Variants in KIF3A observed in about 807,000 individuals in gnomAD.
KIF3A encodes kinesin family member 3A.
In KIF3A, 27 loss-of-function variants were observed where a neutral mutation model predicts 92.6. The ratio of observed to expected loss-of-function variants is 0.29; its 90% confidence interval spans 0.21 to 0.40. KIF3A has a LOEUF of 0.40. Among genes scored for constraint, KIF3A ranks in the 10% least tolerant of loss-of-function variants. KIF3A has a pLI of 1.00. For synonymous variants in KIF3A, 250 were observed against 275.4 expected (o/e 0.91, Z 0.92); for missense variants, 581 against 872.6 (o/e 0.67, Z 4.21).
intron 2 of KIF3A, among the ~76,000 whole-genome samples, chr5:132,727,428 GA>G (rs1173391249): frequency 1.3e-5 from 2 of 152,276 alleles, no homozygotes; most frequent in African/African-American, 4.8e-5. Context: ...GGGGGTCAGG[GA>G]GGACTTTCCA....
intron 8 of KIF3A, among the ~76,000 whole-genome samples, chr5:132,711,777 C>A (rs1284739367): frequency 1.1e-4 from 16 of 152,030 alleles, no homozygotes; most frequent in Admixed American, 1.0e-3. Flanking sequence ...TTAAGAGACA[C>A]AGAACTGTCA....
At chr5:132,724,803 AAAAATATATAT>A (rs1561708629) in intron 4 of KIF3A, among the ~76,000 whole-genome samples, 11 of 26,680 alleles carry the variant, frequency 4.1e-4, no homozygotes, top group African/African-American at 1.6e-3. Flanking sequence ...AAAAAAAAAA[AAAAATATATAT>A]ATATATATAT....
At chr5:132,731,315 G>T (rs1298091319) in intron 2 of KIF3A, among the ~76,000 whole-genome samples, 1 of 151,980 alleles carries the variant, frequency 6.6e-6, no homozygotes, top group Non-Finnish European at 1.5e-5. Flanking sequence ...ACAGAATAAT[G>T]CATCATGACC....
At chr5:132,717,571 C>T (rs568114372) in intron 5 of KIF3A, among the ~76,000 whole-genome samples, 1 of 150,934 alleles carries the variant, frequency 6.6e-6, no homozygotes, top group African/African-American at 2.4e-5. Context: ...GGAAAAATGT[C>T]CATAACATAT....
At chr5:132,716,465 G>A in intron 6 of KIF3A, 23 bp from the exon 7 acceptor site, 1 of 1,575,144 alleles carries the variant, frequency 6.3e-7, no homozygotes, top group Non-Finnish European at 8.6e-7. Flanking sequence ...AGAGATGAAA[G>A]TAAAGCTAAA....
In KIF3A at chr5:132,699,278, A is replaced by G. The variant is rs1752945394; in HGVS notation, c.2025T>C (p.Leu675=). 2.5e-6 allele frequency: 4 copies of G among 1,613,780 alleles called. No homozygotes were observed. The highest frequency in any genetic ancestry group is 3.4e-6 in the Non-Finnish European group (4 of 1,179,882). ...KKEKDPFEVD[L]SHVYLAYTEE... ...CAGTATAGGCAAGATACACGTGAGA[A>G]AGGTCCACCTCAAAGGGCTAAGTAA... Residue 675 remains leucine (L), a synonymous_variant, in exon 18 of 19, where the codon CTT becomes CTC. Coordinates refer to ENST00000403231, the MANE Select transcript of KIF3A (RefSeq NM_001300791.2).
intron 1 of KIF3A, 65 bp from the exon 2 acceptor site, chr5:132,734,543 T>G: frequency 3.5e-6 from 5 of 1,440,204 alleles, no homozygotes; most frequent in Non-Finnish European, 4.6e-6. Context: ...CAGATTAAAT[T>G]TATAAACTTT....
At chr5:132,716,212 C>G in intron 7 of KIF3A, 33 bp downstream of exon 7, 1 of 1,492,974 alleles carries the variant, frequency 6.7e-7, no homozygotes, top group Non-Finnish European at 9.3e-7. Flanking sequence ...TTAAATTTGC[C>G]TGATGTTAAC....
At position 132,716,460 on chromosome 5, in the gene KIF3A, T is replaced by C. The variant is rs1753626259; in HGVS notation, c.757-18A>G. ...TCTGAACCCTAGCAATAAACAGAGA[T>C]GAAAGTAAAGCTAAAATTTTTTTAA... On this transcript the variant is annotated intron_variant, in intron 6 of 18. Coordinates refer to ENST00000403231, the MANE Select transcript of KIF3A (RefSeq NM_001300791.2). 1 of 1,589,124 alleles carries C rather than the reference T, an allele frequency of 6.3e-7. No individual in the cohort carries two copies. Among genetic ancestry groups the C allele is most frequent in the Admixed American group, 1.8e-5 (1 of 55,574 alleles).
At chr5:132,714,247 G>T (rs1010778595) in intron 8 of KIF3A, among the ~76,000 whole-genome samples, 1 of 152,110 alleles carries the variant, frequency 6.6e-6, no homozygotes, top group African/African-American at 2.4e-5. Context: ...AGACAAAGCA[G>T]AATGGTTGTT....
intron 2 of KIF3A, among the ~76,000 whole-genome samples, chr5:132,731,836 G>A (rs1013095293): frequency 2.0e-5 from 3 of 151,802 alleles, no homozygotes; most frequent in South Asian, 2.1e-4. Context: ...CCAGCCTCCC[G>A]AGTAGCTGGG....
intron 8 of KIF3A, among the ~76,000 whole-genome samples, chr5:132,713,115 C>T (rs1188931695): frequency 1.3e-5 from 2 of 152,084 alleles, no homozygotes; most frequent in Non-Finnish European, 2.9e-5. Context: ...TGAGACTGTG[C>T]CACTGAATTC....
At chr5:132,719,368 G>A (rs1210209250) in intron 5 of KIF3A, among the ~76,000 whole-genome samples, 1 of 151,924 alleles carries the variant, frequency 6.6e-6, no homozygotes, top group Admixed American at 6.6e-5. Context: ...CTATTAATTG[G>A]TTCATAAGAA....
At chr5:132,716,068 A>G (rs1477385848) in intron 7 of KIF3A, 137 bp from the exon 8 acceptor site, 5 of 845,188 alleles carry the variant, frequency 5.9e-6, no homozygotes, top group Admixed American at 2.9e-5. Flanking sequence ...TGTCAACCAC[A>G]TGAGTTTCCA....
rs1395829556 is a variant in KIF3A, at chr5:132,716,850, G to T, written c.751C>A (p.Leu251Ile). Residue 251 changes from leucine (L) to isoleucine (I), a missense_variant, in exon 6 of 19, where the codon CTT (leucine) becomes ATT (isoleucine). By Grantham distance (5) the Leu-to-Ile change is conservative. This residue lies in a region of KIF3A where 40 missense variants were observed against 107.0 expected (regional missense o/e 0.37). Coordinates refer to ENST00000403231, the MANE Select transcript of KIF3A (RefSeq NM_001300791.2). ...AGCAGTGTCCTGTTACTTACAGCAA[G>T]ATCTACAAGATGGAGCTTCCCCATC... ...VRMGKLHLVDLAGSERQAKTG... is the reference protein window; with the variant it reads ...VRMGKLHLVDIAGSERQAKTG... 1 of 1,613,780 alleles carries T rather than the reference G, an allele frequency of 6.2e-7. No homozygotes were observed. The highest frequency in any genetic ancestry group is 8.5e-7 in the Non-Finnish European group (1 of 1,179,850).
intron 18 of KIF3A, among the ~76,000 whole-genome samples, chr5:132,698,936 CTA>C (rs1330734269): frequency 6.6e-6 from 1 of 152,118 alleles, no homozygotes. Context: ...CAGCGTTTCA[CTA>C]TGTTAGCCAG....
At chr5:132,697,345 G>T (rs1056516405) in intron 18 of KIF3A, among the ~76,000 whole-genome samples, 5 of 151,510 alleles carry the variant, frequency 3.3e-5, no homozygotes, top group Non-Finnish European at 7.4e-5. Context: ...TGGGCCACAC[G>T]ATTTTTTTAA....
rs1332973343 is a variant in KIF3A, at chr5:132,726,419, T to C, written c.360A>G (p.Arg120=). The C allele has an allele frequency of 5.6e-6, 9 of 1,613,834 alleles. No individual in the cohort carries two copies. The highest frequency in any genetic ancestry group is 5.9e-6 in the Non-Finnish European group (7 of 1,179,766). ...GAGCAAATGAATTGGGAATTATTCC[T>C]CTAAGTTCAGGAATAGCTCGAACAC... The part of the protein sequence containing the change: ...MEGVRAIPEL[R]GIIPNSFAHI... The change falls in exon 3 of 19, where the codon AGA becomes AGG. Residue 120 remains arginine, a synonymous_variant. Coordinates refer to ENST00000403231, the MANE Select transcript of KIF3A (RefSeq NM_001300791.2).
rs1018837547 is a variant in KIF3A at position 132,693,158 on chromosome 5, T to C, written c.*3476A>G. ...CCCCTCCCCCAATAAAACCTTAAAT[T>C]TTTGCTGTAAAAAGAAAAAAAAAAC... On this transcript the variant is annotated 3_prime_UTR_variant, in exon 19 of 19. Transcript: ENST00000403231. 4.8e-5 allele frequency: 7 copies of C among 145,438 alleles called. No individual in the cohort carries two copies. The highest frequency in any genetic ancestry group is 1.3e-4 in the African/African-American group (5 of 38,416). The allele number at this position is 145,438 out of a possible 1,614,324, so 9.0% of individuals were successfully genotyped here. A position where few individuals can be genotyped will look rare whatever the true frequency, so the allele number is the denominator to read the frequency against.
Sources: gnomAD v4.1 joint callset for allele counts (sites outside exome capture counted in the v4.1 genomes callset) on GRCh38, gnomAD v4.1.1 for gene constraint, gnomAD v4.1.1 regional missense constraint, MANE v1.5 for transcripts, NCBI Gene and HGNC (gene_info 2026-07-23, HGNC 2026-07-21) for gene names.